Variants in ZNF765 observed in about 807,000 individuals in gnomAD.
ZNF765 encodes zinc finger protein 765.
ZNF765 carries 37 observed loss-of-function variants against 44.7 expected under a neutral mutation model. That is an observed-to-expected ratio of 0.83 (90% CI 0.64 to 1.09). The LOEUF (loss-of-function observed/expected upper bound fraction) is 1.09. Ranked by LOEUF, ZNF765 falls within the 50% of genes least tolerant of loss-of-function variation. The pLI is 0.00. For missense variants in ZNF765, 594 were observed against 626.1 expected (o/e 0.95, Z 0.55); for synonymous variants, 201 against 213.7 (o/e 0.94, Z 0.52).
chr19:53,416,399 C>A (rs1236609599), downstream of ZNF765, among the ~76,000 whole-genome samples: 1 of 152,058 alleles, frequency 6.6e-6, no homozygotes, highest in Non-Finnish European at 1.5e-5. Context: ...GAGCGAAACT[C>A]AGTCTCAAAA....
chr19:53,402,703 G>A (rs1238943715), intron 3 of ZNF765, among the ~76,000 whole-genome samples: 1 of 152,022 alleles, frequency 6.6e-6, no homozygotes, highest in Non-Finnish European at 1.5e-5. Context: ...GCTGGTACAG[G>A]TGCATGCCAC....
rs1053206916 is a variant in ZNF765, at chr19:53,402,124, G to A, written c.75G>A (p.Leu25=). ...TCTCTCAGGAGGAGTGGAAATGCCT[G>A]GACCCTGCTCAGAGGACTCTATACA... ...IEFSQEEWKC[L]DPAQRTLYRD... Residue 25 remains leucine (L), a synonymous_variant, in exon 3 of 4, where the codon CTG becomes CTA. Transcript: ENST00000396408. The A allele has an allele frequency of 1.9e-6, 3 of 1,613,932 alleles. No homozygotes were observed. Among genetic ancestry groups the A allele is most frequent in the African/African-American group, 2.7e-5 (2 of 74,900 alleles).
chr19:53,418,511 T>C (rs1162225070), intron 3 of ZNF765, among the ~76,000 whole-genome samples: 1 of 152,094 alleles, frequency 6.6e-6, no homozygotes, highest in Non-Finnish European at 1.5e-5. Context: ...ACCAGCACAC[T>C]GAGCTCACCA....
chr19:53,414,578 TTA>T (rs764753877), downstream of ZNF765, among the ~76,000 whole-genome samples: 4 of 146,786 alleles, frequency 2.7e-5, no homozygotes, highest in Admixed American at 7.0e-5. Context: ...GAAAACTACC[TTA>T]TAGACTTTCT....
chr19:53,407,634 C>A, intron 3 of ZNF765, 64 bp from the exon 4 acceptor site: 1 of 1,241,170 alleles, frequency 8.1e-7, no homozygotes, highest in Non-Finnish European at 1.1e-6. Context: ...GTCATATTTA[C>A]ACATTTCAGC....
At chr19:53,414,855 A>C (rs921650220), downstream of ZNF765, among the ~76,000 whole-genome samples, 5 of 152,128 alleles carry the variant, frequency 3.3e-5, no homozygotes, top group African/African-American at 1.2e-4. Flanking sequence ...GCACAGATGG[A>C]CACACTCAGC....
At chr19:53,424,335 A>C (rs2085925923) in exon 4 of ZNF765, 1 of 151,784 alleles carries the variant, frequency 6.6e-6, no homozygotes, top group East Asian at 2.0e-4. Flanking sequence ...TTAGCCAGGC[A>C]TGGTGGCACT....
intron 3 of ZNF765, among the ~76,000 whole-genome samples, chr19:53,402,579 A>G (rs1384640274): frequency 6.6e-6 from 1 of 151,870 alleles, no homozygotes; most frequent in Non-Finnish European, 1.5e-5. Flanking sequence ...TCTTGTTTTT[A>G]GATAAAGTGT....
At chr19:53,424,662 CT>C (rs528851152) in exon 4 of ZNF765, 28,923 of 127,868 alleles carry the variant, frequency 0.23, 3,185 homozygotes, top group African/African-American at 0.36. Flanking sequence ...CTTCTCCATT[CT>C]TTTTTTTTTT....
chr19:53,426,438 C>T (rs997701631), exon 4 of ZNF765: 3 of 151,898 alleles, frequency 2.0e-5, no homozygotes, highest in Non-Finnish European at 2.9e-5. Context: ...CATGGGGCTG[C>T]GTGATGTGGC....
At chr19:53,412,808 T>C (rs10404435), downstream of ZNF765, among the ~76,000 whole-genome samples, 125,095 of 152,106 alleles carry the variant, frequency 0.82, 51,743 homozygotes, top group Admixed American at 0.87. Context: ...CATGAGCCAC[T>C]GCACCTGGCC....
Position 53,409,358 on chromosome 19 carries a change from A to T in ZNF765, c.*231A>T. 1 of 838,822 alleles carries T rather than the reference A, an allele frequency of 1.2e-6. No individual in the cohort carries two copies. Among genetic ancestry groups the T allele is most frequent in the South Asian group, 1.4e-5 (1 of 73,264 alleles). The allele number at this position is 838,822 out of a possible 1,614,324, so 52.0% of individuals were successfully genotyped here. A position where few individuals can be genotyped will look rare whatever the true frequency, so the allele number is the denominator to read the frequency against. ...TGTACCATCATAAACTTCATAGTGG[A>T]GAGACCTTACAAATGTGAAGAATGT... On this transcript the variant is annotated 3_prime_UTR_variant, in exon 4 of 4. Coordinates refer to ENST00000396408, the MANE Select transcript of ZNF765 (RefSeq NM_001040185.3).
intron 3 of ZNF765, among the ~76,000 whole-genome samples, chr19:53,404,450 T>C (rs1254112900): frequency 6.6e-6 from 1 of 152,102 alleles, no homozygotes; most frequent in East Asian, 1.9e-4. Context: ...AATTCTTTCA[T>C]TTCTTTCTTT....
At chr19:53,398,445 T>A (rs2147087037) in intron 2 of ZNF765, among the ~76,000 whole-genome samples, 1 of 152,310 alleles carries the variant, frequency 6.6e-6, no homozygotes, top group African/African-American at 2.4e-5. Context: ...AGGTGACCAA[T>A]ATGGAGCAAT....
chr19:53,412,307 TC>T (rs2085840265), downstream of ZNF765, among the ~76,000 whole-genome samples: 2 of 152,254 alleles, frequency 1.3e-5, no homozygotes, highest in Admixed American at 1.3e-4. Flanking sequence ...TTCATTCTGT[TC>T]AAGTGGCATA....
chr19:53,426,713 C>G (rs1299513627), exon 4 of ZNF765: 1 of 92,502 alleles, frequency 1.1e-5, no homozygotes, highest in Admixed American at 8.7e-5. Flanking sequence ...GTTGCATGCT[C>G]TTTATGAGAT....
At chr19:53,420,768 C>T (rs554862125) in intron 3 of ZNF765, among the ~76,000 whole-genome samples, 1 of 152,244 alleles carries the variant, frequency 6.6e-6, no homozygotes, top group South Asian at 2.1e-4. Flanking sequence ...AGGCAGTATG[C>T]TTGGTAAAAG....
exon 4 of ZNF765, chr19:53,423,106 T>A (rs1414912635): frequency 7.1e-6 from 5 of 699,556 alleles, no homozygotes; most frequent in Non-Finnish European, 1.0e-5. Flanking sequence ...CTCCTGAGTG[T>A]CTCCCAGGCC....
downstream of ZNF765, among the ~76,000 whole-genome samples, chr19:53,415,046 C>G (rs972878316): frequency 3.3e-5 from 5 of 152,094 alleles, no homozygotes; most frequent in African/African-American, 1.2e-4. Context: ...TTGAGGCAGG[C>G]AGATCACCTG....
Sources: gnomAD v4.1 joint callset for allele counts (sites outside exome capture counted in the v4.1 genomes callset) on GRCh38, gnomAD v4.1.1 for gene constraint, MANE v1.5 for transcripts, NCBI Gene and HGNC (gene_info 2026-07-23, HGNC 2026-07-21) for gene names.